The following SLC17A1 variants were observed in gnomAD, a reference collection of about 807,000 sequenced individuals.
The protein encoded by SLC17A1 is solute carrier family 17 member 1, also known as sodium-dependent phosphate transport protein 1.
Under a neutral mutation model 53.5 loss-of-function variants are expected in SLC17A1, and 51 were observed. That is an observed-to-expected ratio of 0.95 (90% CI 0.76 to 1.20). The LOEUF is 1.20. SLC17A1 is among the 50% of genes most tolerant of loss of function. SLC17A1 has a pLI of 0.00. For synonymous variants in SLC17A1, 179 were observed against 198.8 expected (o/e 0.90, Z 0.84); for missense variants, 538 against 568.2 (o/e 0.95, Z 0.54).
At chr6:25,778,976 C>T (rs572212587), downstream of SLC17A1, 144 of 1,573,774 alleles carry the variant, frequency 9.1e-5, no homozygotes, top group East Asian at 2.9e-3. Flanking sequence ...AGCAGGAGGA[C>T]ACAGAGCCAA....
At chr6:25,795,193 G>A (rs1196841227) in intron 12 of SLC17A1, among the ~76,000 whole-genome samples, 1 of 152,196 alleles carries the variant, frequency 6.6e-6, no homozygotes, top group African/African-American at 2.4e-5. Context: ...CTGCCAGCCT[G>A]ATGGAAAGAT....
chr6:25,766,303 A>G, the SLC17A1 span, among the ~76,000 whole-genome samples: 98 of 152,074 alleles, frequency 6.4e-4, no homozygotes, highest in African/African-American at 1.9e-3. Context: ...ACAAACAAAT[A>G]TATTCTAGTA....
the SLC17A1 span, among the ~76,000 whole-genome samples, chr6:25,728,875 C>G: frequency 9.5e-3 from 1,449 of 152,322 alleles, 21 homozygotes; most frequent in African/African-American, 0.026. Flanking sequence ...TGCCCCCACA[C>G]TTTTGTGAAC....
intron 3 of SLC17A1, among the ~76,000 whole-genome samples, chr6:25,820,147 C>T (rs1353348007): frequency 6.6e-6 from 1 of 152,118 alleles, no homozygotes; most frequent in Non-Finnish European, 1.5e-5. Flanking sequence ...ACCATCTGTA[C>T]CTCCCTCCAG....
the SLC17A1 span, chr6:25,726,111 T>C: frequency 1.3e-6 from 2 of 1,505,350 alleles, no homozygotes; most frequent in Non-Finnish European, 1.8e-6. Context: ...CAGAAGTCTT[T>C]TTACCAATGA....
At chr6:25,767,079 T>C in the SLC17A1 span, among the ~76,000 whole-genome samples, 1 of 152,188 alleles carries the variant, frequency 6.6e-6, no homozygotes, top group Non-Finnish European at 1.5e-5. Flanking sequence ...CAATTCTATA[T>C]ATCTAAAACT....
At chr6:25,792,125 C>T (rs1430652357) in intron 12 of SLC17A1, among the ~76,000 whole-genome samples, 3 of 152,122 alleles carry the variant, frequency 2.0e-5, no homozygotes, top group Admixed American at 2.0e-4. Flanking sequence ...CTCTCAGTTC[C>T]CTGAAAATCT....
intron 2 of SLC17A1, among the ~76,000 whole-genome samples, chr6:25,829,080 G>A (rs1341288621): frequency 6.6e-6 from 1 of 152,082 alleles, no homozygotes; most frequent in Non-Finnish European, 1.5e-5. Flanking sequence ...AAATATTCAG[G>A]CCAAGGGCTT....
At chr6:25,807,828 A>G (rs142010002) in intron 10 of SLC17A1, among the ~76,000 whole-genome samples, 30 of 152,152 alleles carry the variant, frequency 2.0e-4, no homozygotes, top group African/African-American at 6.7e-4. Context: ...AGTATTCCAT[A>G]ATATATATAT....
the SLC17A1 span, among the ~76,000 whole-genome samples, chr6:25,730,844 G>A: frequency 6.6e-6 from 1 of 152,180 alleles, no homozygotes; most frequent in African/African-American, 2.4e-5. Flanking sequence ...TCAGGTGTGA[G>A]ATCATGAGTA....
intron 12 of SLC17A1, among the ~76,000 whole-genome samples, chr6:25,787,295 T>C (rs1180703135): frequency 1.1e-4 from 16 of 151,012 alleles, no homozygotes; most frequent in Admixed American, 9.9e-4. Flanking sequence ...AAGACCAGCC[T>C]GGGAAACATA....
At chr6:25,769,239 C>A in the SLC17A1 span, 1 of 1,499,368 alleles carries the variant, frequency 6.7e-7, no homozygotes. Flanking sequence ...AATAATTTGA[C>A]TTAAAGAGTT....
the SLC17A1 span, chr6:25,726,850 G>T: frequency 7.5e-4 from 1,160 of 1,544,398 alleles, 6 homozygotes; most frequent in Middle Eastern, 0.013. Context: ...TTGAGCACTG[G>T]AAAGTGCTGT....
At chr6:25,797,917 C>A (rs1211550287) in intron 12 of SLC17A1, among the ~76,000 whole-genome samples, 3 of 152,142 alleles carry the variant, frequency 2.0e-5, no homozygotes, top group African/African-American at 7.2e-5. Context: ...CCTATAAAAT[C>A]TCCTACAGTT....
At chr6:25,731,895 A>G in the SLC17A1 span, 1 of 1,602,752 alleles carries the variant, frequency 6.2e-7, no homozygotes, top group African/African-American at 1.3e-5. Flanking sequence ...CCTGGAGGTG[A>G]TGGTCGAGCG....
At chr6:25,823,684 A>T (rs1408226426) in intron 3 of SLC17A1, among the ~76,000 whole-genome samples, 1 of 151,662 alleles carries the variant, frequency 6.6e-6, no homozygotes, top group East Asian at 1.9e-4. Flanking sequence ...TTGAGTGTTG[A>T]TAGAAGTTCT....
At chr6:25,739,021 T>A in the SLC17A1 span, among the ~76,000 whole-genome samples, 1 of 152,212 alleles carries the variant, frequency 6.6e-6, no homozygotes, top group African/African-American at 2.4e-5. Flanking sequence ...GATCTAGTAC[T>A]CCCACTATGG....
the SLC17A1 span, among the ~76,000 whole-genome samples, chr6:25,746,268 A>G: frequency 6.6e-6 from 1 of 152,206 alleles, no homozygotes; most frequent in Non-Finnish European, 1.5e-5. Context: ...TTTAGTTTTG[A>G]TGATCCTTCG....
the SLC17A1 span, among the ~76,000 whole-genome samples, chr6:25,762,441 C>T: frequency 6.6e-5 from 10 of 152,150 alleles, no homozygotes; most frequent in African/African-American, 2.4e-4. Context: ...GGGCTTTTTG[C>T]TTCTACCATG....
Sources: gnomAD v4.1 joint callset for allele counts (sites outside exome capture counted in the v4.1 genomes callset) on GRCh38, gnomAD v4.1.1 for gene constraint, MANE v1.5 for transcripts, NCBI Gene and HGNC (gene_info 2026-07-23, HGNC 2026-07-21) for gene names.